FAM13C: variants seen among roughly 807,000 people sequenced by gnomAD.
FAM13C encodes protein FAM13C.
Under a neutral mutation model 73.2 loss-of-function variants are expected in FAM13C, and 37 were observed. The ratio of observed to expected loss-of-function variants is 0.51; its 90% CI spans 0.39 to 0.67. The LOEUF is 0.67. Ranked by LOEUF, FAM13C falls within the 30% of genes least tolerant of loss-of-function variation. The probability of loss-of-function intolerance (pLI) is 0.00; values close to 1 mark genes in which losing one functional copy is unlikely to be tolerated. For missense variants in FAM13C, 589 were observed against 715.6 expected (o/e 0.82, Z 2.02); for synonymous variants, 246 against 260.9 (o/e 0.94, Z 0.55).
At chr10:59,284,983 G>A (rs1053053205) in intron 5 of FAM13C, among the ~76,000 whole-genome samples, 1 of 151,914 alleles carries the variant, frequency 6.6e-6, no homozygotes, top group Admixed American at 6.6e-5. Flanking sequence ...ATGCAAGATC[G>A]AGTCCCACAC....
intron 5 of FAM13C, 66 bp from the exon 6 acceptor site, chr10:59,283,513 G>T: frequency 1.3e-6 from 2 of 1,522,342 alleles, no homozygotes; most frequent in Non-Finnish European, 1.8e-6. Flanking sequence ...AAGGAATTCT[G>T]CCAGCAAAAG....
At chr10:59,326,389 G>A (rs1476143728) in intron 3 of FAM13C, among the ~76,000 whole-genome samples, 1 of 152,118 alleles carries the variant, frequency 6.6e-6, no homozygotes, top group Admixed American at 6.6e-5. Context: ...GGAAGACTAA[G>A]TAAGGAGTCT....
chr10:59,262,836 G>A (rs868447583), intron 9 of FAM13C, among the ~76,000 whole-genome samples, 191 bp from the exon 10 acceptor site: 4 of 152,254 alleles, frequency 2.6e-5, no homozygotes, highest in Middle Eastern at 6.8e-3. Context: ...TGTGAAAACA[G>A]GGCTCTAGAG....
intron 5 of FAM13C, among the ~76,000 whole-genome samples, chr10:59,290,987 C>T (rs901635187): frequency 3.3e-5 from 5 of 152,114 alleles, no homozygotes; most frequent in African/African-American, 9.7e-5. Flanking sequence ...AGGACGTGCC[C>T]ATTCCAGAGA....
chr10:59,253,784 A>G (rs1199460501), intron 11 of FAM13C: 1 of 152,246 alleles, frequency 6.6e-6, no homozygotes, highest in African/African-American at 2.4e-5. Flanking sequence ...CTGTTTTGAT[A>G]TTGATGGAGT....
At chr10:59,255,728 C>A (rs1158749731) in intron 10 of FAM13C, among the ~76,000 whole-genome samples, 2 of 152,166 alleles carry the variant, frequency 1.3e-5, no homozygotes, top group African/African-American at 4.8e-5. Context: ...ATGTGTTACA[C>A]TTCCCAGTTA....
chr10:59,334,029 C>T (rs1377664551), intron 3 of FAM13C, among the ~76,000 whole-genome samples: 1 of 152,132 alleles, frequency 6.6e-6, no homozygotes, highest in Non-Finnish European at 1.5e-5. Context: ...TCAGAGCTCT[C>T]CCATCTTACA....
intron 5 of FAM13C, among the ~76,000 whole-genome samples, chr10:59,292,172 C>T (rs560818159): frequency 6.6e-6 from 1 of 152,326 alleles, no homozygotes; most frequent in South Asian, 2.1e-4. Flanking sequence ...GTCTCACTTA[C>T]AACTCATGGA....
At chr10:59,309,176 C>G (rs902273779) in intron 4 of FAM13C, among the ~76,000 whole-genome samples, 1 of 152,126 alleles carries the variant, frequency 6.6e-6, no homozygotes, top group Non-Finnish European at 1.5e-5. Flanking sequence ...AAGTTATTAA[C>G]AAGCCTCTCA....
intron 5 of FAM13C, among the ~76,000 whole-genome samples, chr10:59,293,899 G>C (rs1400199587): frequency 6.6e-6 from 1 of 152,144 alleles, no homozygotes; most frequent in African/African-American, 2.4e-5. Context: ...CATTTCAAAG[G>C]TCACAGCTCT....
intron 6 of FAM13C, among the ~76,000 whole-genome samples, chr10:59,277,010 A>C (rs2133623069): frequency 6.6e-6 from 1 of 152,310 alleles, no homozygotes; most frequent in African/African-American, 2.4e-5. Context: ...CAGAATGATA[A>C]ATCTGAATTT....
At chr10:59,303,838 C>T (rs1847894696) in intron 4 of FAM13C, among the ~76,000 whole-genome samples, 1 of 152,076 alleles carries the variant, frequency 6.6e-6, no homozygotes, top group Admixed American at 6.6e-5. Flanking sequence ...TTGTTGGCTC[C>T]ATGTATGTCT....
chr10:59,325,013 A>C (rs1850903618), intron 3 of FAM13C, among the ~76,000 whole-genome samples: 1 of 152,228 alleles, frequency 6.6e-6, no homozygotes, highest in Non-Finnish European at 1.5e-5. Flanking sequence ...GAGCCATGTC[A>C]AACCTCTAAT....
intron 3 of FAM13C, among the ~76,000 whole-genome samples, chr10:59,335,636 T>A (rs1007403732): frequency 3.3e-5 from 5 of 152,142 alleles, no homozygotes; most frequent in African/African-American, 9.7e-5. Context: ...AAAGGACCAG[T>A]CCCTAACAAC....
At chr10:59,292,066 G>A (rs1053967398) in intron 5 of FAM13C, among the ~76,000 whole-genome samples, 2 of 152,136 alleles carry the variant, frequency 1.3e-5, no homozygotes, top group African/African-American at 4.8e-5. Flanking sequence ...GGGATTACAC[G>A]TGTGAGCCAC....
At chr10:59,319,129 T>G (rs1554831075) in intron 4 of FAM13C, among the ~76,000 whole-genome samples, 3 of 142,574 alleles carry the variant, frequency 2.1e-5, no homozygotes. Flanking sequence ...ATTGTCTATC[T>G]CAAAAACAAA....
intron 3 of FAM13C, among the ~76,000 whole-genome samples, chr10:59,332,490 T>C (rs539354265): frequency 1.3e-5 from 2 of 152,208 alleles, no homozygotes; most frequent in East Asian, 3.9e-4. Flanking sequence ...AGAAGGAAGC[T>C]CATTGCCTGA....
intron 3 of FAM13C, among the ~76,000 whole-genome samples, chr10:59,346,237 T>C (rs930941): frequency 0.54 from 82,644 of 152,054 alleles, 23,597 homozygotes; most frequent in Middle Eastern, 0.63. Context: ...CTATTGTCCT[T>C]ATTTTAATTC....
rs994174037 is a variant in FAM13C at position 59,289,400 on chromosome 10, G to A, written c.508-5953C>T. 5.9e-5 allele frequency among the ~76,000 whole-genome samples: 9 copies of A among 152,278 alleles called. No individual in the cohort carries two copies. In the East Asian group the frequency reaches 1.7e-3, roughly 30 times the overall value. On this transcript the variant is annotated intron_variant, in intron 5 of 13. Transcript: ENST00000618804. ...GTGGATGGGTGATCTGTCCTACCAG[G>A]TCTGTGCCCTGCAGAGCCACCCCAA...
Sources: allele counts gnomAD v4.1 joint callset (sites outside exome capture counted in the v4.1 genomes callset), GRCh38; gene constraint gnomAD v4.1.1; transcripts MANE v1.5; gene names NCBI Gene and HGNC (gene_info 2026-07-23, HGNC 2026-07-21).